GRID1: variants seen among roughly 807,000 people sequenced by gnomAD.
GRID1 encodes the protein glutamate receptor ionotropic, delta-1.
A neutral mutation model predicts 98.0 loss-of-function variants in GRID1; 28 were observed. That is an observed-to-expected ratio of 0.29 (90% CI 0.21 to 0.39). The LOEUF (loss-of-function observed/expected upper bound fraction) is 0.39. Ranked by LOEUF, GRID1 falls within the 10% of genes least tolerant of loss-of-function variation. The probability of loss-of-function intolerance (pLI) is 1.00; values close to 1 mark genes in which losing one functional copy is unlikely to be tolerated. For synonymous variants in GRID1, 553 were observed against 538.5 expected, an observed-to-expected ratio of 1.03 and a Z score of -0.37; for missense variants, 1,111 against 1,340.5, an observed-to-expected ratio of 0.83 and a Z score of 2.67.
chr10:85,749,472 C>G (rs1842026369), intron 8 of GRID1, among the ~76,000 whole-genome samples: 1 of 152,178 alleles, frequency 6.6e-6, no homozygotes, highest in South Asian at 2.1e-4. Flanking sequence ...CTAAAAATAA[C>G]AGTCTAGCCT....
chr10:85,730,604 C>T (rs917942589), intron 8 of GRID1, among the ~76,000 whole-genome samples: 3 of 152,130 alleles, frequency 2.0e-5, no homozygotes, highest in African/African-American at 7.2e-5. Flanking sequence ...TTTAAGGGGG[C>T]TTTATAATGA....
Position 85,723,025 on chromosome 10 carries a change from A to C in GRID1, c.1975T>G (p.Ser659Ala). 1.9e-6 allele frequency: 3 copies of C among 1,612,186 alleles called. No homozygotes were observed. Among genetic ancestry groups the C allele is most frequent in the Non-Finnish European group, 2.5e-6 (3 of 1,179,128 alleles). Residue 659 changes from serine to alanine, a missense_variant, in exon 12 of 16, where the codon TCC becomes GCC. Transcript: ENST00000327946. ...TANLAAFLTV[S>A]RMDNPIRTFQ... is the part of the protein sequence containing the mutation. ...TACCTTATGGGGTTGTCCATCCTGG[A>C]CACTGTGAGGAAGGCAGCAAGGTTG...
At chr10:85,845,525 T>C (rs1373623799) in intron 8 of GRID1, among the ~76,000 whole-genome samples, 1 of 151,968 alleles carries the variant, frequency 6.6e-6, no homozygotes, top group South Asian at 2.1e-4. Flanking sequence ...AAATCCCAAA[T>C]TTTTTTGTGG....
intron 2 of GRID1, among the ~76,000 whole-genome samples, chr10:86,264,131 G>A (rs1380126278): frequency 6.6e-6 from 1 of 152,036 alleles, no homozygotes; most frequent in Admixed American, 6.5e-5. Flanking sequence ...GTACTGCTGG[G>A]CACCCTCCTC....
chr10:85,642,151 T>C (rs1843128475), intron 13 of GRID1, among the ~76,000 whole-genome samples: 1 of 152,208 alleles, frequency 6.6e-6, no homozygotes, highest in African/African-American at 2.4e-5. Flanking sequence ...CATATCTTTA[T>C]CACAACTACT....
At chr10:85,924,877 G>A (rs536962163) in intron 4 of GRID1, among the ~76,000 whole-genome samples, 15 of 152,276 alleles carry the variant, frequency 9.9e-5, no homozygotes, top group East Asian at 5.8e-4. Context: ...TGGCAGAAGC[G>A]CCCGCTCACA....
chr10:85,929,450 G>C, intron 4 of GRID1, among the ~76,000 whole-genome samples: 1 of 152,204 alleles, frequency 6.6e-6, no homozygotes, highest in East Asian at 1.9e-4. Flanking sequence ...GAGTTGACCA[G>C]TGTCATTTGA....
intron 13 of GRID1, among the ~76,000 whole-genome samples, chr10:85,635,297 T>TC (rs2132539729): frequency 6.6e-6 from 1 of 152,220 alleles, no homozygotes; most frequent in South Asian, 2.1e-4. Context: ...AAACCAATCA[T>TC]CACCAAACAG....
chr10:86,119,030 A>G (rs997017220), intron 4 of GRID1, among the ~76,000 whole-genome samples: 1 of 152,174 alleles, frequency 6.6e-6, no homozygotes, highest in Non-Finnish European at 1.5e-5. Flanking sequence ...ACAAAAGGAC[A>G]TTCAGTAAAA....
At chr10:86,177,132 G>T (rs528817472) in intron 3 of GRID1, among the ~76,000 whole-genome samples, 1 of 151,916 alleles carries the variant, frequency 6.6e-6, no homozygotes, top group Admixed American at 6.6e-5. Flanking sequence ...CCCCGAGAGA[G>T]ATGAACACAC....
intron 8 of GRID1, among the ~76,000 whole-genome samples, chr10:85,734,750 T>C (rs1841860870): frequency 6.6e-6 from 1 of 152,138 alleles, no homozygotes; most frequent in African/African-American, 2.4e-5. Context: ...CTTGCCCAAA[T>C]CTTAAGACAA....
intron 4 of GRID1, among the ~76,000 whole-genome samples, chr10:86,128,190 G>A (rs1490888659): frequency 6.6e-6 from 1 of 152,150 alleles, no homozygotes; most frequent in Non-Finnish European, 1.5e-5. Flanking sequence ...GAGGAGAATG[G>A]GCAGAATGGG....
intron 3 of GRID1, among the ~76,000 whole-genome samples, chr10:86,202,555 G>A (rs151073340): frequency 1.3e-5 from 2 of 152,326 alleles, no homozygotes; most frequent in African/African-American, 4.8e-5. Flanking sequence ...TCTCTCAAAT[G>A]TCGTCTTCTC....
intron 8 of GRID1, among the ~76,000 whole-genome samples, chr10:85,825,393 TTC>T (rs1842810099): frequency 6.6e-6 from 1 of 152,198 alleles, no homozygotes; most frequent in Non-Finnish European, 1.5e-5. Flanking sequence ...GTTTTTTTTT[TTC>T]TTGCTGATTT....
At chr10:86,131,060 T>G (rs1212697257) in intron 4 of GRID1, among the ~76,000 whole-genome samples, 1 of 152,188 alleles carries the variant, frequency 6.6e-6, no homozygotes, top group Non-Finnish European at 1.5e-5. Flanking sequence ...TGTTTAGGGA[T>G]GCCATGTGCA....
At position 86,275,631 on chromosome 10, in the gene GRID1, A is replaced by T. The variant is rs139558514; in HGVS notation, c.236-68983T>A. 4.3e-3 allele frequency among the ~76,000 whole-genome samples: 656 copies of T among 152,296 alleles called. 6 individuals are homozygous for T. Among genetic ancestry groups the T allele is most frequent in the African/African-American group, 0.015 (625 of 41,580 alleles). Reference sequence around the variant, plus strand: ...AATTCTGGGGCTAAAAAGTACAATAACAAAATGAAAAATTCATTAGGGGGT... The same window carrying T: ...AATTCTGGGGCTAAAAAGTACAATATCAAAATGAAAAATTCATTAGGGGGT... On this transcript the variant is annotated intron_variant, in intron 2 of 15. Coordinates refer to ENST00000327946, the MANE Select transcript of GRID1 (RefSeq NM_017551.3).
intron 2 of GRID1, among the ~76,000 whole-genome samples, chr10:86,281,267 G>A (rs1322625851): frequency 2.0e-5 from 3 of 152,196 alleles, no homozygotes; most frequent in Non-Finnish European, 4.4e-5. Flanking sequence ...TGAGGGAAAG[G>A]CATCTTTCAT....
At chr10:85,707,087 A>G (rs1479473817) in intron 12 of GRID1, among the ~76,000 whole-genome samples, 77 of 152,252 alleles carry the variant, frequency 5.1e-4, no homozygotes, top group Admixed American at 5.2e-4. Context: ...AAAAGCAATG[A>G]CAACAAAAGC....
chr10:85,707,032 C>T (rs191923390), intron 12 of GRID1, among the ~76,000 whole-genome samples: 89 of 152,248 alleles, frequency 5.8e-4, no homozygotes, highest in African/African-American at 2.1e-3. Flanking sequence ...TAGGCAATAC[C>T]AATCAGGACA....
Sources: allele counts gnomAD v4.1 joint callset (sites outside exome capture counted in the v4.1 genomes callset), GRCh38; gene constraint gnomAD v4.1.1; transcripts MANE v1.5; gene names NCBI Gene and HGNC (gene_info 2026-07-23, HGNC 2026-07-21).